The following PER3 variants were observed in gnomAD, a reference collection of about 807,000 sequenced individuals.
PER3 encodes period circadian protein homolog 3.
In PER3, 107 loss-of-function variants were observed where a neutral mutation model predicts 127.2. That is an observed-to-expected ratio of 0.84 (90% CI 0.72 to 0.99). PER3 has a LOEUF of 0.99. Among genes scored for constraint, PER3 ranks in the 50% least tolerant of loss-of-function variants. PER3 has a pLI of 0.00. For synonymous variants in PER3, 618 were observed against 585.8 expected, an observed-to-expected ratio of 1.05 and a Z score of -0.79; for missense variants, 1,560 against 1,525.8, an observed-to-expected ratio of 1.02 and a Z score of -0.37.
In PER3 at chr1:7,835,801, A is replaced by G. The variant is rs1299907159; in HGVS notation, c.3254A>G (p.Tyr1085Cys). 2 of 1,612,848 alleles carry G rather than the reference A, an allele frequency of 1.2e-6. No homozygotes were observed. The highest frequency in any genetic ancestry group is 1.1e-5 in the South Asian group (1 of 91,054). ...AGTATATACCTTACTAGTAGTGTTT[A>G]TTCTTCTAAAATCTCCCAAAATGGG... ...DSSIYLTSSV[Y>C]SSKISQNGQQ... is the part of the protein sequence containing the mutation. The change falls in exon 20 of 22, where the codon TAT becomes TGT. Residue 1085 changes from tyrosine to cysteine, a missense_variant. Tyr to Cys is a radical substitution (Grantham distance 194, BLOSUM62 -2). Coordinates refer to ENST00000377532, the MANE Select transcript of PER3 (RefSeq NM_001377275.1).
At chr1:7,804,988 C>A (rs2097186913) in intron 10 of PER3, among the ~76,000 whole-genome samples, 1 of 151,876 alleles carries the variant, frequency 6.6e-6, no homozygotes, top group Admixed American at 6.6e-5. Context: ...CCTGCCTCAG[C>A]CTCTCCAGTA....
intron 7 of PER3, among the ~76,000 whole-genome samples, chr1:7,800,792 A>C (rs2097167157): frequency 6.7e-6 from 1 of 148,178 alleles, no homozygotes; most frequent in Non-Finnish European, 1.5e-5. Flanking sequence ...ATGCCACTGC[A>C]CTCCAACCTG....
rs1355460301 is a variant in PER3 at position 7,843,071 on chromosome 1, G to A, written c.*316G>A. Reference sequence around the variant, plus strand: ...CACCCAGAGTAAATTATAATTAGAAGTATAGCTAGAATGAGCCCCAAACCT... The same window carrying A: ...CACCCAGAGTAAATTATAATTAGAAATATAGCTAGAATGAGCCCCAAACCT... On this transcript the variant is annotated 3_prime_UTR_variant, in exon 22 of 22. Coordinates refer to ENST00000377532, the MANE Select transcript of PER3 (RefSeq NM_001377275.1). 2 of 169,988 alleles carry A rather than the reference G, an allele frequency of 1.2e-5. No individual in the cohort carries two copies. The highest frequency in any genetic ancestry group is 3.5e-4 in the South Asian group (2 of 5,742). The allele number at this position is 169,988 out of a possible 1,614,324, so 10.5% of individuals were successfully genotyped here.
In PER3 at chr1:7,812,887, T is replaced by G. The variant is rs368157036; in HGVS notation, c.1522+2299T>G. On this transcript the variant is annotated intron_variant, in intron 13 of 21. Coordinates refer to ENST00000377532, the MANE Select transcript of PER3 (RefSeq NM_001377275.1). ...TAAAGAGCTACAGAAACCTTTATAC[T>G]CTTTGCTTGAGAGACATGAGGATGC... Among the ~76,000 whole-genome samples the G allele has an allele frequency of 8.5e-5, 13 of 152,288 alleles. No homozygotes were observed. In the East Asian group the frequency reaches 2.5e-3, roughly 29 times the overall value.
chr1:7,804,745 C>T (rs1351703571), intron 10 of PER3, among the ~76,000 whole-genome samples: 1 of 152,030 alleles, frequency 6.6e-6, no homozygotes, highest in Non-Finnish European at 1.5e-5. Flanking sequence ...GCACAGCTGA[C>T]ACCAGCTTGT....
At chr1:7,803,274 A>C in intron 9 of PER3, 121 bp downstream of exon 9, 1 of 718,516 alleles carries the variant, frequency 1.4e-6, no homozygotes, top group Non-Finnish European at 2.5e-6. Context: ...AAGCTGCTAA[A>C]GCAATTGTTT....
chr1:7,844,067 T>C lies in PER3; in HGVS notation c.*1312T>C. ...TCCTTTTTTTGTTTTTGGTTTTTTA[T>C]GGTTTTTTAAGGAAAATACTTTTCT... is the stretch of plus-strand genomic sequence containing the variant. On this transcript the variant is annotated 3_prime_UTR_variant, in exon 22 of 22. Transcript: ENST00000377532. 1.2e-6 allele frequency: 1 copy of C among 853,042 alleles called. No individual in the cohort carries two copies. The highest frequency in any genetic ancestry group is 5.4e-5 in the Admixed American group (1 of 18,424). The allele number at this position is 853,042 out of a possible 1,614,324, so 52.8% of individuals were successfully genotyped here.
At chr1:7,812,719 T>C (rs907760111) in intron 13 of PER3, among the ~76,000 whole-genome samples, 1 of 151,726 alleles carries the variant, frequency 6.6e-6, no homozygotes, top group East Asian at 1.9e-4. Flanking sequence ...ACTCCTTAGA[T>C]AGATTCTTAC....
chr1:7,785,675 A>C, intron 3 of PER3, 89 bp downstream of exon 3: 1 of 1,115,468 alleles, frequency 9.0e-7, no homozygotes, highest in South Asian at 1.5e-5. Context: ...TCTCAGTCAG[A>C]CAAATAATTT....
At position 7,837,072 on chromosome 1, in the gene PER3, C is replaced by A; in HGVS notation, c.3472C>A (p.His1158Asn). ...SMRQQQPQFS[H>N]GQKEELAKVY... is the part of the protein sequence containing the mutation. The stretch of plus-strand genomic sequence containing the variant: ...GAGGCAGCAGCAGCCCCAGTTTTCT[C>A]ATGGGCAAAAGGAGGAGCTGGCTAA... The change falls in exon 21 of 22, where the codon CAT becomes AAT. Residue 1158 changes from histidine to asparagine, a missense_variant. This residue lies in a region of PER3 where 199 missense variants were observed against 198.6 expected (regional missense o/e 1.00). Coordinates refer to ENST00000377532, the MANE Select transcript of PER3 (RefSeq NM_001377275.1). 1 of 1,613,972 alleles carries A rather than the reference C, an allele frequency of 6.2e-7. No individual in the cohort carries two copies. Among genetic ancestry groups the A allele is most frequent in the Non-Finnish European group, 8.5e-7 (1 of 1,179,882 alleles).
intron 13 of PER3, chr1:7,811,723 A>C (rs2150882209): frequency 6.6e-6 from 1 of 152,340 alleles, no homozygotes; most frequent in South Asian, 2.1e-4. Flanking sequence ...GTCACTTCCT[A>C]AAGGCCGTGG....
chr1:7,804,327 A>T (rs977894987), intron 10 of PER3, among the ~76,000 whole-genome samples: 3 of 138,296 alleles, frequency 2.2e-5, no homozygotes, highest in East Asian at 2.0e-4. Context: ...TTTTTTTTTT[A>T]AAGATCTCTT....
chr1:7,827,412 C>T lies in PER3; in HGVS notation c.2483C>T (p.Ala828Val), dbSNP rs1426046199. ...PGREYAAPGT[A>V]PEGLHGLPLS... ...AGAGAATACGCAGCCCCCGGAACTG[C>T]ACCGGAAGGCCTGCATGGGCTGCCC... Residue 828 changes from alanine to valine, a missense_variant, in exon 18 of 22, where the codon GCA becomes GTA. This residue lies in a region of PER3 where 1,332 missense variants were observed against 1,223.6 expected (regional missense o/e 1.09). Transcript: ENST00000377532. The T allele has an allele frequency of 6.2e-7, 1 of 1,614,066 alleles. No individual in the cohort carries two copies. Among genetic ancestry groups the T allele is most frequent in the Non-Finnish European group, 8.5e-7 (1 of 1,180,034 alleles).
In PER3 at chr1:7,808,315, C is replaced by T. The variant is rs900163758; in HGVS notation, c.1137-578C>T. Reference sequence around the variant, plus strand: ...GGTCCCAAGTAAACATCAGTTCCTTCCCTTCTTTGTAATCCTCTCTGTTGG... The same window carrying T: ...GGTCCCAAGTAAACATCAGTTCCTTTCCTTCTTTGTAATCCTCTCTGTTGG... On this transcript the variant is annotated intron_variant, in intron 10 of 21. Coordinates refer to ENST00000377532, the MANE Select transcript of PER3 (RefSeq NM_001377275.1). Among the ~76,000 whole-genome samples the T allele has an allele frequency of 3.3e-5, 5 of 150,974 alleles. No individual in the cohort carries two copies. In the East Asian group the frequency reaches 9.7e-4, roughly 29 times the overall value.
chr1:7,822,258 ATT>A (rs35229328), intron 16 of PER3, among the ~76,000 whole-genome samples: 70 of 144,834 alleles, frequency 4.8e-4, no homozygotes, highest in African/African-American at 7.4e-4. Flanking sequence ...TTAAAAAAAA[ATT>A]TTTTTTTTTT....
rs1380188401 is a variant in PER3 at position 7,827,590 on chromosome 1, A to G, written c.2661A>G (p.Ile887Met). 4 of 1,613,998 alleles carry G rather than the reference A, an allele frequency of 2.5e-6. No homozygotes were observed. Among genetic ancestry groups the G allele is most frequent in the Non-Finnish European group, 3.4e-6 (4 of 1,180,014 alleles). Residue 887 changes from isoleucine (I) to methionine (M), a missense_variant, in exon 18 of 22, where the codon ATA (isoleucine) becomes ATG (methionine). Ile to Met is a conservative substitution (Grantham distance 10, BLOSUM62 1). This residue lies in a region of PER3 where 1,332 missense variants were observed against 1,223.6 expected (regional missense o/e 1.09). Coordinates refer to ENST00000377532, the MANE Select transcript of PER3 (RefSeq NM_001377275.1). Reference protein sequence around the residue: ...PFLGATASSAISPSMSSAMSP... With the variant: ...PFLGATASSAMSPSMSSAMSP... Reference sequence around the variant, plus strand: ...TGGGGGCGACAGCCTCTTCTGCGATATCACCCTCAATGTCGTCAGCAATGA... The same window carrying G: ...TGGGGGCGACAGCCTCTTCTGCGATGTCACCCTCAATGTCGTCAGCAATGA...
chr1:7,798,871 T>C (rs1038777276), intron 7 of PER3, among the ~76,000 whole-genome samples, 198 bp downstream of exon 7: 1 of 152,228 alleles, frequency 6.6e-6, no homozygotes, highest in Non-Finnish European at 1.5e-5. Context: ...ATTGTCTTCA[T>C]GGTCAGCATG....
chr1:7,817,249 C>T (rs2097255668), intron 13 of PER3, among the ~76,000 whole-genome samples: 1 of 152,106 alleles, frequency 6.6e-6, no homozygotes, highest in Non-Finnish European at 1.5e-5. Flanking sequence ...CACAACTTTC[C>T]GTGCATTTGC....
rs751920597 is a variant in PER3 at position 7,820,572 on chromosome 1, G to C, written c.1889G>C (p.Ser630Thr). ...APQILSTAML[S>T]LGSGISQCGY... ...CAGATCCTGTCCACGGCGATGCTGA[G>C]CTTGGGGTCGGGCATAAGCCAATGC... Residue 630 changes from serine to threonine, a missense_variant, in exon 16 of 22, where the codon AGC becomes ACC. Ser to Thr is a moderately conservative substitution (Grantham distance 58). Transcript: ENST00000377532. 3.1e-6 allele frequency: 5 copies of C among 1,614,142 alleles called. No individual in the cohort carries two copies. The South Asian group carries it at 4.4e-5, about 14-fold the overall frequency.
Sources: allele counts gnomAD v4.1 joint callset (sites outside exome capture counted in the v4.1 genomes callset), GRCh38; gene constraint gnomAD v4.1.1; regional missense constraint gnomAD v4.1.1; transcripts MANE v1.5; gene names NCBI Gene and HGNC (gene_info 2026-07-23, HGNC 2026-07-21).